Variants in OSBPL10 observed in about 807,000 individuals in gnomAD.
The protein encoded by OSBPL10 is oxysterol binding protein like 10.
In OSBPL10, 49 loss-of-function variants were observed where a neutral mutation model predicts 81.7. The observed-to-expected ratio is 0.60, with a 90% CI of 0.48 to 0.76. The LOEUF (loss-of-function observed/expected upper bound fraction) is 0.76, where lower values mean the gene tolerates loss of function less well. OSBPL10 is among the 30% of genes least tolerant of loss of function. The pLI is 0.00. For missense variants in OSBPL10, 923 were observed against 987.8 expected (o/e 0.93, Z 0.88); for synonymous variants, 419 against 383.6 (o/e 1.09, Z -1.08).
intron 3 of OSBPL10, among the ~76,000 whole-genome samples, chr3:31,846,388 C>G (rs867388114): frequency 6.6e-6 from 1 of 152,050 alleles, no homozygotes; most frequent in Non-Finnish European, 1.5e-5. Flanking sequence ...CTTTGGGAGG[C>G]CAAGGTGAGT....
intron 4 of OSBPL10, among the ~76,000 whole-genome samples, chr3:31,805,195 G>C (rs141249046): frequency 2.2e-3 from 330 of 152,228 alleles, no homozygotes; most frequent in East Asian, 8.1e-3. Context: ...CTCCTCCTTT[G>C]AGATGAACCT....
chr3:31,951,183 A>T (rs1343155724), intron 1 of OSBPL10, among the ~76,000 whole-genome samples: 1 of 152,220 alleles, frequency 6.6e-6, no homozygotes, highest in Non-Finnish European at 1.5e-5. Context: ...TTTGTGACAT[A>T]GTCACACAAA....
chr3:32,025,647 G>T (rs1288935404), intron 2 of OSBPL10, among the ~76,000 whole-genome samples: 1 of 152,134 alleles, frequency 6.6e-6, no homozygotes, highest in Non-Finnish European at 1.5e-5. Context: ...TTCTTTGTGG[G>T]AAGCCAGTTC....
At chr3:31,829,866 A>G (rs1255682381) in intron 4 of OSBPL10, among the ~76,000 whole-genome samples, 174 bp downstream of exon 4, 1 of 152,188 alleles carries the variant, frequency 6.6e-6, no homozygotes, top group Admixed American at 6.5e-5. Context: ...AGAAATAGGA[A>G]CAATTAACTT....
At chr3:32,018,743 A>C in intron 2 of OSBPL10, among the ~76,000 whole-genome samples, 1 of 152,230 alleles carries the variant, frequency 6.6e-6, no homozygotes, top group Non-Finnish European at 1.5e-5. Context: ...ATTTGAAGAC[A>C]TCAGTGGCTG....
At chr3:31,940,487 T>C (rs1310418692) in intron 1 of OSBPL10, among the ~76,000 whole-genome samples, 26 of 152,226 alleles carry the variant, frequency 1.7e-4, no homozygotes, top group Admixed American at 1.4e-3. Flanking sequence ...GTTTGATGTG[T>C]TGATAATATG....
In OSBPL10 at chr3:31,748,087, G is replaced by A. The variant is rs770297782; in HGVS notation, c.763C>T (p.Leu255Phe). Residue 255 changes from leucine (L) to phenylalanine (F), a missense_variant, in exon 5 of 12, where the codon CTT becomes TTT. Around this residue, in one of 3 missense-constraint regions of OSBPL10, gnomAD observed 514 missense variants for 508.0 expected, o/e 1.01. Coordinates refer to ENST00000396556, the MANE Select transcript of OSBPL10 (RefSeq NM_017784.5). ...MNQVEGQQKNLVHAIESLPGS... is the reference protein window; with the variant it reads ...MNQVEGQQKNFVHAIESLPGS... Reference sequence around the variant, plus strand: ...GGCAGGGACTCAATGGCGTGCACAAGGTTCTTCTGCTGCCCTTCCACCTGG... The same window carrying A: ...GGCAGGGACTCAATGGCGTGCACAAAGTTCTTCTGCTGCCCTTCCACCTGG... 2 of 1,614,038 alleles carry A rather than the reference G, an allele frequency of 1.2e-6. No homozygotes were observed. Among genetic ancestry groups the A allele is most frequent in the Admixed American group, 1.7e-5 (1 of 60,010 alleles).
intron 1 of OSBPL10, among the ~76,000 whole-genome samples, chr3:31,907,342 C>A (rs1395698372): frequency 6.6e-6 from 1 of 151,842 alleles, no homozygotes; most frequent in Non-Finnish European, 1.5e-5. Flanking sequence ...ATTTAAGTGA[C>A]CTCTAGCTGG....
At chr3:31,709,014 C>T (rs1696166807) in intron 6 of OSBPL10, 2 of 985,336 alleles carry the variant, frequency 2.0e-6, no homozygotes, top group Non-Finnish European at 2.4e-6. Flanking sequence ...ACCAACTGTG[C>T]CTCAAAGGCC....
At chr3:31,694,965 G>T (rs1382346890) in intron 7 of OSBPL10, among the ~76,000 whole-genome samples, 1 of 152,144 alleles carries the variant, frequency 6.6e-6, no homozygotes, top group Non-Finnish European at 1.5e-5. Flanking sequence ...TGTTGGTCAG[G>T]CTGGTCTCAA....
chr3:32,059,221 G>A (rs952361755), intron 1 of OSBPL10, among the ~76,000 whole-genome samples: 22 of 152,104 alleles, frequency 1.4e-4, no homozygotes, highest in Non-Finnish European at 2.9e-4. Flanking sequence ...GCTTGAACCT[G>A]GGAGGTGGAG....
chr3:31,950,162 A>T (rs1264787889), intron 1 of OSBPL10, among the ~76,000 whole-genome samples: 1 of 152,224 alleles, frequency 6.6e-6, no homozygotes, highest in Non-Finnish European at 1.5e-5. Context: ...AAAGCATCAC[A>T]AATAAAGTAA....
intron 6 of OSBPL10, among the ~76,000 whole-genome samples, chr3:31,730,218 G>A (rs1696930036): frequency 6.6e-6 from 1 of 152,100 alleles, no homozygotes. Context: ...GCGCCTGCCT[G>A]TAATCCCAGC....
chr3:31,684,108 G>T lies in OSBPL10; in HGVS notation c.1252C>A (p.Leu418Ile), dbSNP rs1264793256. ...CGCTTCTCCAGGATAAAGGTGGGAAGCACCACCTGCATTTGGAAGGACACA... is the reference window on the plus strand; with the variant it reads ...CGCTTCTCCAGGATAAAGGTGGGAATCACCACCTGCATTTGGAAGGACACA... ...KLGMDLTKVV[L>I]PTFILEKRSL... is the part of the protein sequence containing the mutation. The change falls in exon 8 of 12, where the codon CTT becomes ATT. Residue 418 changes from leucine to isoleucine, a missense_variant. By Grantham distance (5) the Leu-to-Ile change is conservative. Around this residue, in one of 3 missense-constraint regions of OSBPL10, gnomAD observed 22 missense variants for 43.4 expected, o/e 0.51. Coordinates refer to ENST00000396556, the MANE Select transcript of OSBPL10 (RefSeq NM_017784.5). The T allele has an allele frequency of 6.2e-7, 1 of 1,612,102 alleles. No homozygotes were observed. Among genetic ancestry groups the T allele is most frequent in the Non-Finnish European group, 8.5e-7 (1 of 1,178,256 alleles).
intron 1 of OSBPL10, among the ~76,000 whole-genome samples, chr3:31,909,103 C>G (rs1249757948): frequency 6.6e-6 from 1 of 152,150 alleles, no homozygotes; most frequent in South Asian, 2.1e-4. Flanking sequence ...TTATCCATAG[C>G]CTGAGCTAAG....
In OSBPL10 at chr3:31,949,700, A is replaced by G. The variant is rs1022736807; in HGVS notation, c.281+31199T>C. 5.6e-5 allele frequency among the ~76,000 whole-genome samples: 8 copies of G among 143,106 alleles called. No homozygotes were observed. The South Asian group carries it at 1.6e-3, about 28-fold the overall frequency. The allele number at this position is 143,106 out of a possible 152,430, so 93.9% of individuals were successfully genotyped here. A position where few individuals can be genotyped will look rare whatever the true frequency, so the allele number is the denominator to read the frequency against. On this transcript the variant is annotated intron_variant, in intron 1 of 11. Transcript: ENST00000396556. The stretch of plus-strand genomic sequence containing the variant: ...AAAAAAAAAAAAAAAAAAAAAAAAA[A>G]GGATACTGGGTTCCTACCTCACAGA...
At chr3:31,668,504 A>G in intron 10 of OSBPL10, 138 bp downstream of exon 10, 2 of 757,470 alleles carry the variant, frequency 2.6e-6, no homozygotes, top group Non-Finnish European at 3.9e-6. Flanking sequence ...GAAAATTAAA[A>G]TATCTAAAGA....
At chr3:31,788,957 C>G (rs1238749379) in intron 4 of OSBPL10, among the ~76,000 whole-genome samples, 1 of 150,764 alleles carries the variant, frequency 6.6e-6, no homozygotes, top group African/African-American at 2.5e-5. Context: ...CTGGATGTTT[C>G]TTTCTTTTTT....
Position 31,876,439 on chromosome 3 carries a change from A to G in OSBPL10, c.531T>C (p.Asn177=). 6.2e-7 allele frequency: 1 copy of G among 1,611,310 alleles called. No homozygotes were observed. Among genetic ancestry groups the G allele is most frequent in the Non-Finnish European group, 8.5e-7 (1 of 1,177,350 alleles). Residue 177 remains asparagine, a synonymous_variant, in exon 3 of 12, where the codon AAT becomes AAC. Coordinates refer to ENST00000396556, the MANE Select transcript of OSBPL10 (RefSeq NM_017784.5). ...RACAKYHMEM[N]SKSAPSSRSR... ...CTTTCTCACGGTGACTTACCTTAGA[A>G]TTCATTTCCATGTGGTATTTGGCAC...
Sources: gnomAD v4.1 joint callset for allele counts (sites outside exome capture counted in the v4.1 genomes callset) on GRCh38, gnomAD v4.1.1 for gene constraint, gnomAD v4.1.1 regional missense constraint, MANE v1.5 for transcripts, NCBI Gene and HGNC (gene_info 2026-07-23, HGNC 2026-07-21) for gene names.